Variants in BCLAF1 observed in about 807,000 individuals in gnomAD.
BCLAF1 encodes bcl-2-associated transcription factor 1.
A neutral mutation model predicts 99.5 loss-of-function variants in BCLAF1; 10 were observed. The ratio of observed to expected loss-of-function variants is 0.10; its 90% CI spans 0.06 to 0.17. BCLAF1 has a LOEUF of 0.17. Ranked by LOEUF, BCLAF1 falls within the 10% of genes least tolerant of loss-of-function variation. The pLI, the probability that BCLAF1 is intolerant of heterozygous loss-of-function variation, is 1.00. For missense variants in BCLAF1, 636 were observed against 1,105.8 expected, an observed-to-expected ratio of 0.58 and a Z score of 6.02; for synonymous variants, 255 against 370.9, an observed-to-expected ratio of 0.69 and a Z score of 3.59.
chr6:136,276,974 C>T (rs1194203694), intron 4 of BCLAF1, among the ~76,000 whole-genome samples: 12 of 152,122 alleles, frequency 7.9e-5, no homozygotes, highest in Admixed American at 6.6e-5. Flanking sequence ...TTATGAAAAT[C>T]ACAGAACAGT....
intron 7 of BCLAF1, 95 bp from the exon 8 acceptor site, chr6:136,272,174 C>A (rs1326296479): frequency 1.1e-5 from 9 of 839,150 alleles, no homozygotes; most frequent in Non-Finnish European, 1.3e-5. Context: ...ACAGTTATTT[C>A]TCTCCCAATC....
At position 136,261,008 on chromosome 6, in the gene BCLAF1, A is replaced by G; in HGVS notation, c.*102T>C. 7.6e-7 allele frequency: 1 copy of G among 1,318,692 alleles called. No individual in the cohort carries two copies. Among genetic ancestry groups the G allele is most frequent in the South Asian group, 1.6e-5 (1 of 64,104 alleles). 81.7% of individuals were successfully genotyped at this position (1,318,692 alleles called of 1,614,324 possible). On this transcript the variant is annotated 3_prime_UTR_variant, in exon 13 of 13. Coordinates refer to ENST00000531224, the MANE Select transcript of BCLAF1 (RefSeq NM_014739.3). ...TTTCTATAGACTACTTGCAAACAGT[A>G]AAATTTAAGTAAAATGCTTACATTC...
intron 8 of BCLAF1, 156 bp from the exon 9 acceptor site, chr6:136,269,768 T>C (rs1782254499): frequency 2.0e-6 from 1 of 501,714 alleles, no homozygotes; most frequent in Non-Finnish European, 3.2e-6. Flanking sequence ...TAGTTTTTGT[T>C]AAAAAATGTA....
intron 1 of BCLAF1, among the ~76,000 whole-genome samples, chr6:136,286,542 A>G (rs1785157715): frequency 6.6e-6 from 1 of 152,234 alleles, no homozygotes; most frequent in African/African-American, 2.4e-5. Context: ...AGCCATCATT[A>G]TTGGTAACCC....
intron 1 of BCLAF1, among the ~76,000 whole-genome samples, chr6:136,289,356 G>A (rs1315846510): frequency 6.6e-6 from 1 of 152,214 alleles, no homozygotes; most frequent in Non-Finnish European, 1.5e-5. Context: ...GCGCGCGTGC[G>A]CGGAGCGTTC....
rs1199949449 is a variant in BCLAF1, at chr6:136,257,276, T to C, written c.*3834A>G. 1 of 152,210 alleles carries C rather than the reference T, an allele frequency of 6.6e-6. No individual in the cohort carries two copies. Among genetic ancestry groups the C allele is most frequent in the Non-Finnish European group, 1.5e-5 (1 of 68,030 alleles). 9.4% of individuals were successfully genotyped at this position (152,210 alleles called of 1,614,324 possible). A position where few individuals can be genotyped will look rare whatever the true frequency, so the allele number is the denominator to read the frequency against. Reference sequence around the variant, plus strand: ...CACATTATTTGAATGTTTCTAGTTGTGGTGGAATGCTATCCTAATAATGCC... The same window carrying C: ...CACATTATTTGAATGTTTCTAGTTGCGGTGGAATGCTATCCTAATAATGCC... On this transcript the variant is annotated 3_prime_UTR_variant, in exon 13 of 13. Coordinates refer to ENST00000531224, the MANE Select transcript of BCLAF1 (RefSeq NM_014739.3).
intron 11 of BCLAF1, among the ~76,000 whole-genome samples, chr6:136,261,909 A>G (rs1190175188): frequency 6.6e-6 from 1 of 152,174 alleles, no homozygotes; most frequent in Non-Finnish European, 1.5e-5. Context: ...ATATTATAAC[A>G]TTCACTAAAA....
chr6:136,277,857 G>T lies in BCLAF1; in HGVS notation c.1016+8C>A. On this transcript the variant is annotated splice_region_variant and intron_variant, in intron 4 of 12. Transcript: ENST00000531224. ...ATTATAATCTAGATTCTGTATTTTA[G>T]TTTTTACCTTTTTAAGAACTTCCCA... 7 of 1,606,042 alleles carry T rather than the reference G, an allele frequency of 4.4e-6. No individual in the cohort carries two copies. Among genetic ancestry groups the T allele is most frequent in the Non-Finnish European group, 6.0e-6 (7 of 1,176,238 alleles).
At chr6:136,269,063 T>C (rs1462123270) in intron 9 of BCLAF1, 1 of 1,045,456 alleles carries the variant, frequency 9.6e-7, no homozygotes, top group East Asian at 7.3e-5. Flanking sequence ...CCACTAGATA[T>C]CAGTTTAAAA....
At position 136,275,473 on chromosome 6, in the gene BCLAF1, A is replaced by G; in HGVS notation, c.1852+59T>C. 5 of 1,416,300 alleles carry G rather than the reference A, an allele frequency of 3.5e-6. No individual in the cohort carries two copies. In the South Asian group the frequency reaches 8.1e-5, roughly 23 times the overall value. 87.7% of individuals were successfully genotyped at this position (1,416,300 alleles called of 1,614,324 possible). A position where few individuals can be genotyped will look rare whatever the true frequency, so the allele number is the denominator to read the frequency against. ...CATGAATTATTAAGCATAATTACACATTTTTTTATTTGCATGCAAGAGAAA... is the reference window on the plus strand; with the variant it reads ...CATGAATTATTAAGCATAATTACACGTTTTTTTATTTGCATGCAAGAGAAA... On this transcript the variant is annotated intron_variant, in intron 6 of 12. Transcript: ENST00000531224.
chr6:136,269,412 T>C, intron 9 of BCLAF1, 25 bp downstream of exon 9: 1 of 1,592,782 alleles, frequency 6.3e-7, no homozygotes, highest in Non-Finnish European at 8.5e-7. Flanking sequence ...AGCTAAAACC[T>C]ATCTTAGTCA....
chr6:136,281,627 C>G (rs537551455), intron 2 of BCLAF1, among the ~76,000 whole-genome samples: 2 of 152,288 alleles, frequency 1.3e-5, no homozygotes, highest in African/African-American at 4.8e-5. Flanking sequence ...GAGATCCAGT[C>G]CAGCAATAAG....
intron 10 of BCLAF1, among the ~76,000 whole-genome samples, chr6:136,267,749 C>T (rs73779620): frequency 0.048 from 7,315 of 151,742 alleles, 584 homozygotes; most frequent in African/African-American, 0.17. Flanking sequence ...TGATTGATAC[C>T]CATATAAGCA....
At position 136,273,117 on chromosome 6, in the gene BCLAF1, T is replaced by C. The variant is rs1467913885; in HGVS notation, c.1923A>G (p.Glu641=). 1.9e-6 allele frequency: 3 copies of C among 1,612,228 alleles called. No individual in the cohort carries two copies. Among genetic ancestry groups the C allele is most frequent in the Non-Finnish European group, 2.5e-6 (3 of 1,178,626 alleles). ...RFTSYQKATE[E]HSTRQKSPEI... ...CAGGGCTCTTTTGCCGAGTACTATG[T>C]TCTTCAGTGGCTTTCTGATACGAAG... Residue 641 remains glutamate (E), a synonymous_variant, in exon 7 of 13, where the codon GAA becomes GAG. Transcript: ENST00000531224.
chr6:136,286,096 A>T (rs1785093585), intron 1 of BCLAF1, among the ~76,000 whole-genome samples: 1 of 152,140 alleles, frequency 6.6e-6, no homozygotes, highest in South Asian at 2.1e-4. Context: ...GGCTGTCTCA[A>T]AAAAAGAAAA....
intron 11 of BCLAF1, 128 bp downstream of exon 11, chr6:136,266,900 AT>A: frequency 8.3e-7 from 1 of 1,211,056 alleles, no homozygotes; most frequent in East Asian, 2.4e-5. Context: ...CTGGGTAATT[AT>A]TTTAAAAAAG....
At chr6:136,269,864 G>A (rs1489360266) in intron 8 of BCLAF1, 5 of 306,686 alleles carry the variant, frequency 1.6e-5, no homozygotes, top group Non-Finnish European at 2.9e-5. Context: ...TGAGAATTTT[G>A]CAGGTTTTTA....
At chr6:136,285,391 G>A (rs1433601285) in intron 1 of BCLAF1, among the ~76,000 whole-genome samples, 2 of 152,156 alleles carry the variant, frequency 1.3e-5, no homozygotes, top group Non-Finnish European at 2.9e-5. Flanking sequence ...AAGTTTGGGG[G>A]AGAAAACAAA....
At chr6:136,288,904 G>A (rs1318374427) in intron 1 of BCLAF1, among the ~76,000 whole-genome samples, 3 of 152,164 alleles carry the variant, frequency 2.0e-5, no homozygotes, top group Non-Finnish European at 4.4e-5. Context: ...TACTCATGAA[G>A]AACCGCACTT....
Sources: gnomAD v4.1 joint callset for allele counts (sites outside exome capture counted in the v4.1 genomes callset) on GRCh38, gnomAD v4.1.1 for gene constraint, MANE v1.5 for transcripts, NCBI Gene and HGNC (gene_info 2026-07-23, HGNC 2026-07-21) for gene names.